Variants in RNLS observed in about 807,000 individuals in gnomAD.
RNLS encodes the protein renalase, FAD dependent amine oxidase, also known as renalase.
A neutral mutation model predicts 39.8 loss-of-function variants in RNLS; 39 were observed. The observed-to-expected ratio is 0.98, with a 90% CI of 0.76 to 1.28. The LOEUF (loss-of-function observed/expected upper bound fraction) is 1.28. RNLS is among the 50% of genes most tolerant of loss of function. RNLS has a pLI of 0.00. For missense variants in RNLS, 410 were observed against 413.3 expected, an observed-to-expected ratio of 0.99 and a Z score of 0.07; for synonymous variants, 147 against 150.7, an observed-to-expected ratio of 0.98 and a Z score of 0.18.
the RNLS span, among the ~76,000 whole-genome samples, chr10:88,234,804 C>T: frequency 6.6e-6 from 1 of 152,054 alleles, no homozygotes; most frequent in African/African-American, 2.4e-5. Flanking sequence ...TTAAGATGCT[C>T]AAGACAGCAA....
the RNLS span, among the ~76,000 whole-genome samples, chr10:88,227,451 G>A: frequency 6.6e-6 from 1 of 152,194 alleles, no homozygotes; most frequent in Non-Finnish European, 1.5e-5. Context: ...GATGAACCCA[G>A]CATCCTCAGC....
chr10:88,239,726 A>C, the RNLS span, among the ~76,000 whole-genome samples: 3 of 152,244 alleles, frequency 2.0e-5, no homozygotes, highest in African/African-American at 4.8e-5. Flanking sequence ...TTGCACATAC[A>C]TAATAAAATG....
chr10:88,506,235 A>G (rs1004113945), intron 4 of RNLS, among the ~76,000 whole-genome samples: 14 of 152,152 alleles, frequency 9.2e-5, no homozygotes, highest in African/African-American at 3.4e-4. Flanking sequence ...GAAACTTTAG[A>G]TTAAACTAAA....
chr10:88,446,492 C>CA (rs576561310), intron 4 of RNLS, among the ~76,000 whole-genome samples: 76 of 152,054 alleles, frequency 5.0e-4, no homozygotes, highest in East Asian at 1.5e-3. Flanking sequence ...GATAGAGACA[C>CA]AAAAAACCCT....
At chr10:88,280,404 A>G (rs1480672063), downstream of RNLS, among the ~76,000 whole-genome samples, 2 of 152,186 alleles carry the variant, frequency 1.3e-5, no homozygotes, top group Non-Finnish European at 2.9e-5. Flanking sequence ...GTGGCATAGG[A>G]TCAAGGAACA....
intron 4 of RNLS, among the ~76,000 whole-genome samples, chr10:88,400,417 A>G (rs1344532141): frequency 1.3e-5 from 2 of 151,926 alleles, no homozygotes; most frequent in Admixed American, 1.3e-4. Flanking sequence ...ATGCCCTTGT[A>G]TATACTGTTC....
At chr10:88,181,900 C>T in the RNLS span, among the ~76,000 whole-genome samples, 1 of 152,092 alleles carries the variant, frequency 6.6e-6, no homozygotes, top group East Asian at 1.9e-4. Flanking sequence ...GGAATAATGG[C>T]CAACTCAAGA....
At chr10:88,556,181 A>C (rs1848865406) in intron 4 of RNLS, among the ~76,000 whole-genome samples, 1 of 152,182 alleles carries the variant, frequency 6.6e-6, no homozygotes, top group South Asian at 2.1e-4. Flanking sequence ...ATCCCAAAAC[A>C]GTGATTTCAC....
At chr10:88,233,519 A>C in the RNLS span, among the ~76,000 whole-genome samples, 1 of 152,350 alleles carries the variant, frequency 6.6e-6, no homozygotes, top group East Asian at 1.9e-4. Context: ...GCCTGACAAA[A>C]TAAAAGATGA....
intron 5 of RNLS, among the ~76,000 whole-genome samples, chr10:88,345,839 A>C (rs1469215357): frequency 6.6e-6 from 1 of 152,084 alleles, no homozygotes; most frequent in Non-Finnish European, 1.5e-5. Context: ...TTAATCTATA[A>C]AGACAGCAAT....
At chr10:88,434,828 G>A (rs901437847) in intron 4 of RNLS, among the ~76,000 whole-genome samples, 9 of 152,044 alleles carry the variant, frequency 5.9e-5, no homozygotes, top group Admixed American at 5.9e-4. Context: ...CATTAAAATA[G>A]TTGATTAAAT....
intron 4 of RNLS, among the ~76,000 whole-genome samples, chr10:88,448,357 C>G (rs113917273): frequency 2.0e-5 from 3 of 152,170 alleles, no homozygotes; most frequent in Non-Finnish European, 4.4e-5. Context: ...ACAGACACTT[C>G]TCAAAAGAAG....
intron 5 of RNLS, chr10:88,343,773 A>G: frequency 2.0e-6 from 2 of 985,398 alleles, no homozygotes; most frequent in Non-Finnish European, 2.4e-6. Context: ...CCTGGGACAC[A>G]AGGAGATTTT....
intron 4 of RNLS, among the ~76,000 whole-genome samples, chr10:88,567,810 A>C (rs1225463469): frequency 1.3e-5 from 2 of 152,236 alleles, no homozygotes; most frequent in Non-Finnish European, 2.9e-5. Flanking sequence ...CTTCCTCAGA[A>C]AACAATTTCT....
downstream of RNLS, among the ~76,000 whole-genome samples, chr10:88,271,084 AT>A (rs1184434170): frequency 6.6e-6 from 1 of 152,096 alleles, no homozygotes; most frequent in Non-Finnish European, 1.5e-5. Flanking sequence ...TCTGTTATTT[AT>A]CTTTGGCTTG....
At position 88,287,202 on chromosome 10, in the gene RNLS, C is replaced by A. The variant is rs1843333741; in HGVS notation, c.877-1696G>T. Reference sequence around the variant, plus strand: ...GTACTATTATTTCCCTGTTGAACCTCTAAAGACATGGGCCTCTGTAGACCT... The same window carrying A: ...GTACTATTATTTCCCTGTTGAACCTATAAAGACATGGGCCTCTGTAGACCT... On this transcript the variant is annotated intron_variant, in intron 6 of 6. Transcript: ENST00000331772. Among the ~76,000 whole-genome samples, 4 of 152,170 alleles carry A rather than the reference C, an allele frequency of 2.6e-5. No individual in the cohort carries two copies. In the South Asian group the frequency reaches 8.3e-4, roughly 32 times the overall value.
At chr10:88,362,756 T>G in intron 4 of RNLS, 31 bp from the exon 5 acceptor site, 1 of 1,597,220 alleles carries the variant, frequency 6.3e-7, no homozygotes. Flanking sequence ...GGCATCAAAC[T>G]TAAAAATACC....
intron 4 of RNLS, among the ~76,000 whole-genome samples, chr10:88,489,160 A>G (rs919011048): frequency 6.6e-6 from 1 of 152,194 alleles, no homozygotes; most frequent in Non-Finnish European, 1.5e-5. Flanking sequence ...CCTGTGTTCT[A>G]TATGTGGAGA....
intron 4 of RNLS, among the ~76,000 whole-genome samples, chr10:88,412,677 AG>A (rs1019735929): frequency 2.0e-5 from 3 of 152,176 alleles, no homozygotes; most frequent in African/African-American, 7.2e-5. Context: ...CAGATGGCAT[AG>A]GGAAGAGAAA....
Sources: gnomAD v4.1 joint callset for allele counts (sites outside exome capture counted in the v4.1 genomes callset) on GRCh38, gnomAD v4.1.1 for gene constraint, MANE v1.5 for transcripts, NCBI Gene and HGNC (gene_info 2026-07-23, HGNC 2026-07-21) for gene names.